Variants in BRINP3 observed in about 807,000 individuals in gnomAD.
The protein encoded by BRINP3 is BMP/retinoic acid-inducible neural-specific protein 3.
A neutral mutation model predicts 71.0 loss-of-function variants in BRINP3; 19 were observed. The observed-to-expected ratio is 0.27, with a 90% CI of 0.19 to 0.39. The LOEUF is 0.39. Among genes scored for constraint, BRINP3 ranks in the 10% least tolerant of loss-of-function variants. The probability of loss-of-function intolerance (pLI) is 1.00; values close to 1 mark genes in which losing one functional copy is unlikely to be tolerated. For missense variants in BRINP3, 959 were observed against 940.8 expected (o/e 1.02, Z -0.25); for synonymous variants, 380 against 337.7 (o/e 1.13, Z -1.37).
At chr1:190,327,352 G>GAAAAAAAAAAA (rs796445574) in intron 2 of BRINP3, among the ~76,000 whole-genome samples, 2 of 77,428 alleles carry the variant, frequency 2.6e-5, no homozygotes, top group Non-Finnish European at 5.6e-5. Flanking sequence ...AAAAAAAAAG[G>GAAAAAAAAAAA]AAAAAAAAAA....
chr1:190,472,109 A>G (rs1303514958), intron 1 of BRINP3, among the ~76,000 whole-genome samples: 2 of 151,634 alleles, frequency 1.3e-5, no homozygotes, highest in African/African-American at 4.8e-5. Context: ...CTTGAAAAAT[A>G]TATTTTGTTT....
intron 2 of BRINP3, among the ~76,000 whole-genome samples, chr1:190,363,160 G>C (rs188252225): frequency 4.7e-4 from 71 of 152,240 alleles, no homozygotes; most frequent in African/African-American, 1.6e-3. Context: ...AGGGAACTAC[G>C]AGTGGCCCTG....
intron 2 of BRINP3, among the ~76,000 whole-genome samples, chr1:190,401,541 G>A (rs1671930342): frequency 6.6e-6 from 1 of 151,990 alleles, no homozygotes; most frequent in African/African-American, 2.4e-5. Context: ...AGCATCACCA[G>A]GAGCTTAATA....
chr1:190,210,059 A>G (rs1351926808), intron 6 of BRINP3, among the ~76,000 whole-genome samples: 1 of 152,140 alleles, frequency 6.6e-6, no homozygotes, highest in Non-Finnish European at 1.5e-5. Flanking sequence ...ATACAACATT[A>G]GAGGATTTTA....
At chr1:190,408,749 G>A (rs988823662) in intron 2 of BRINP3, among the ~76,000 whole-genome samples, 8 of 152,158 alleles carry the variant, frequency 5.3e-5, no homozygotes, top group Admixed American at 5.2e-4. Context: ...GGTGTTTATG[G>A]AGAATTTTGT....
intron 6 of BRINP3, among the ~76,000 whole-genome samples, chr1:190,199,658 G>T (rs1333328683): frequency 6.6e-6 from 1 of 151,682 alleles, no homozygotes; most frequent in East Asian, 1.9e-4. Context: ...AGCCATCTTT[G>T]TCACAAGTTA....
At chr1:190,443,036 C>A (rs985244901) in intron 2 of BRINP3, among the ~76,000 whole-genome samples, 1 of 151,558 alleles carries the variant, frequency 6.6e-6, no homozygotes, top group East Asian at 2.0e-4. Flanking sequence ...CCTCGGCCTC[C>A]CAAGTAGCTG....
rs78930042 is a variant in BRINP3 at position 190,168,667 on chromosome 1, A to C, written c.962-7777T>G. Among the ~76,000 whole-genome samples, 244 of 152,302 alleles carry C rather than the reference A, an allele frequency of 1.6e-3. 5 individuals are homozygous for C. The East Asian group carries it at 0.046, about 29-fold the overall frequency. ...GCTTAAAGTATAAATCTAGAGTTAC[A>C]TTGCTTGTTTTTCATGTTTGACACA... On this transcript the variant is annotated intron_variant, in intron 6 of 7. Coordinates refer to ENST00000367462, the MANE Select transcript of BRINP3 (RefSeq NM_199051.3).
chr1:190,182,169 T>C (rs1424161589), intron 6 of BRINP3, among the ~76,000 whole-genome samples: 3 of 152,102 alleles, frequency 2.0e-5, no homozygotes, highest in Non-Finnish European at 1.5e-5. Context: ...GTGGATTTCT[T>C]TGTGTTTATC....
chr1:190,402,462 G>A (rs376460061), intron 2 of BRINP3, among the ~76,000 whole-genome samples: 3 of 152,168 alleles, frequency 2.0e-5, no homozygotes, highest in Admixed American at 1.3e-4. Context: ...TTTACTTACA[G>A]AAATCATTCT....
In BRINP3 at chr1:190,284,029, T is replaced by C. The variant is rs1464591712; in HGVS notation, c.237-2279A>G. On this transcript the variant is annotated intron_variant, in intron 2 of 7. Coordinates refer to ENST00000367462, the MANE Select transcript of BRINP3 (RefSeq NM_199051.3). ...GACTAAAAAATCCAAGATGATTGATTCAATGGTAATATTTTATATCCTGTA... is the reference window on the plus strand; with the variant it reads ...GACTAAAAAATCCAAGATGATTGATCCAATGGTAATATTTTATATCCTGTA... 3.3e-5 allele frequency among the ~76,000 whole-genome samples: 5 copies of C among 152,000 alleles called. No homozygotes were observed. In the East Asian group the frequency reaches 9.6e-4, roughly 29 times the overall value.
intron 7 of BRINP3, among the ~76,000 whole-genome samples, chr1:190,159,073 A>G (rs1412077487): frequency 6.6e-6 from 1 of 152,118 alleles, no homozygotes; most frequent in Non-Finnish European, 1.5e-5. Flanking sequence ...ATTTTTCCAT[A>G]AAAGATATAC....
chr1:190,099,080 G>A lies in BRINP3; in HGVS notation c.1239C>T (p.Asn413=), dbSNP rs2102235352. 3 of 1,614,114 alleles carry A rather than the reference G, an allele frequency of 1.9e-6. No individual in the cohort carries two copies. Among genetic ancestry groups the A allele is most frequent in the South Asian group, 1.1e-5 (1 of 91,086 alleles). ...CTTCTGAAAAGCTGCCTAGGAGGCCGTTCTCATTGCAGTAGAGAAAAGACT... is the reference window on the plus strand; with the variant it reads ...CTTCTGAAAAGCTGCCTAGGAGGCCATTCTCATTGCAGTAGAGAAAAGACT... ...RIQSFLYCNE[N]GLLGSFSEET... Residue 413 remains asparagine, a synonymous_variant, in exon 8 of 8, where the codon AAC becomes AAT. Coordinates refer to ENST00000367462, the MANE Select transcript of BRINP3 (RefSeq NM_199051.3).
chr1:190,244,545 A>G (rs1659406718), intron 4 of BRINP3, among the ~76,000 whole-genome samples: 1 of 152,024 alleles, frequency 6.6e-6, no homozygotes, highest in African/African-American at 2.4e-5. Context: ...AAGTAAAAGC[A>G]CCTATCACCA....
At chr1:190,212,737 G>A in intron 6 of BRINP3, among the ~76,000 whole-genome samples, 1 of 152,052 alleles carries the variant, frequency 6.6e-6, no homozygotes, top group East Asian at 1.9e-4. Flanking sequence ...AGCCAGTGAC[G>A]ATTATCTGTA....
rs562454634 is a variant in BRINP3 at position 190,332,423 on chromosome 1, C to T, written c.237-50673G>A. 1.5e-4 allele frequency among the ~76,000 whole-genome samples: 23 copies of T among 152,116 alleles called. No individual in the cohort carries two copies. The South Asian group carries it at 4.8e-3, about 32-fold the overall frequency. On this transcript the variant is annotated intron_variant, in intron 2 of 7. Transcript: ENST00000367462. ...TATTCTTTTCTCATATTTACCACTG[C>T]ACCTGTCCATTCTGACAACTTCCCC... is the stretch of plus-strand genomic sequence containing the variant.
intron 4 of BRINP3, among the ~76,000 whole-genome samples, chr1:190,253,926 C>T (rs1256249864): frequency 6.6e-6 from 1 of 152,158 alleles, no homozygotes; most frequent in Non-Finnish European, 1.5e-5. Flanking sequence ...TTCGATTCAT[C>T]TTGAATTAAT....
At position 190,417,678 on chromosome 1, in the gene BRINP3, G is replaced by C. The variant is rs370101458; in HGVS notation, c.236+36977C>G. ...CTCTAAAGTTAAAATAGATGGGCTT[G>C]AATAGCAAACAATATAAAAATATAG... On this transcript the variant is annotated intron_variant, in intron 2 of 7. Transcript: ENST00000367462. Among the ~76,000 whole-genome samples the C allele has an allele frequency of 2.0e-5, 3 of 152,040 alleles. No homozygotes were observed. In the South Asian group the frequency reaches 6.2e-4, roughly 32 times the overall value.
chr1:190,202,291 C>T (rs1271188647), intron 6 of BRINP3, among the ~76,000 whole-genome samples: 1 of 152,100 alleles, frequency 6.6e-6, no homozygotes, highest in African/African-American at 2.4e-5. Flanking sequence ...TTTGTTTTGG[C>T]CAGTTTCTCC....
Sources: allele counts gnomAD v4.1 joint callset (sites outside exome capture counted in the v4.1 genomes callset), GRCh38; gene constraint gnomAD v4.1.1; transcripts MANE v1.5; gene names NCBI Gene and HGNC (gene_info 2026-07-23, HGNC 2026-07-21).